The following LOXL2 variants were observed in gnomAD, a reference collection of about 807,000 sequenced individuals.
LOXL2 encodes lysyl oxidase homolog 2.
LOXL2 carries 70 observed loss-of-function variants against 93.0 expected under a neutral mutation model. The ratio of observed to expected loss-of-function variants is 0.75; its 90% CI spans 0.62 to 0.92. LOXL2 has a LOEUF of 0.92. LOXL2 is among the 40% of genes least tolerant of loss of function. The pLI, the probability that LOXL2 is intolerant of heterozygous loss-of-function variation, is 0.00. For synonymous variants in LOXL2, 438 were observed against 413.2 expected (o/e 1.06, Z -0.73); for missense variants, 973 against 1,054.9 (o/e 0.92, Z 1.08).
At chr8:23,348,749 C>A (rs978415209) in intron 3 of LOXL2, among the ~76,000 whole-genome samples, 2 of 151,970 alleles carry the variant, frequency 1.3e-5, no homozygotes, top group African/African-American at 2.4e-5. Context: ...TGGTGGCGGG[C>A]ACCTGTAGTC....
At chr8:23,370,314 TC>T (rs1804474668) in intron 1 of LOXL2, among the ~76,000 whole-genome samples, 1 of 152,074 alleles carries the variant, frequency 6.6e-6, no homozygotes, top group Admixed American at 6.6e-5. Flanking sequence ...CCTTCCTAGG[TC>T]CTCCTATCAG....
chr8:23,326,740 C>G (rs1803583283), intron 6 of LOXL2, among the ~76,000 whole-genome samples: 1 of 152,104 alleles, frequency 6.6e-6, no homozygotes, highest in South Asian at 2.1e-4. Flanking sequence ...GAGTGAGACT[C>G]TGTCTCCAAA....
rs773579703 is a variant in LOXL2, at chr8:23,309,765, G to A, written c.1783C>T (p.Arg595Trp). The change falls in exon 10 of 14, where the codon CGG becomes TGG. Residue 595 changes from arginine (R) to tryptophan (W), a missense_variant. Arg to Trp is a moderately radical substitution (Grantham distance 101). Transcript: ENST00000389131. Reference protein sequence around the residue: ...AQTDPTTGYRRLLRFSSQIHN... With the variant: ...AQTDPTTGYRWLLRFSSQIHN... ...ATCTGGGAGGAGAAGCGCAGGAGCCGGCGGTAGCCCGTGGTGGGGTCGGTC... is the reference window on the plus strand; with the variant it reads ...ATCTGGGAGGAGAAGCGCAGGAGCCAGCGGTAGCCCGTGGTGGGGTCGGTC... 1.4e-5 allele frequency: 22 copies of A among 1,603,840 alleles called. No homozygotes were observed. The highest frequency in any genetic ancestry group is 1.7e-5 in the Admixed American group (1 of 58,348).
rs777238309 is a variant in LOXL2, at chr8:23,319,936, G to A, written c.1419C>T (p.Ala473=). ...GGCCCAGCTGGCGGCAGACCACCATGGCCTCCACGATGCCCCAGTTTTGGC... is the reference window on the plus strand; with the variant it reads ...GGCCCAGCTGGCGGCAGACCACCATAGCCTCCACGATGCCCCAGTTTTGGC... ...VCGQNWGIVE[A]MVVCRQLGLG... is the part of the protein sequence containing the mutation. The change falls in exon 8 of 14, where the codon GCC becomes GCT. Residue 473 remains alanine (A), a synonymous_variant. Transcript: ENST00000389131. 8 of 1,613,962 alleles carry A rather than the reference G, an allele frequency of 5.0e-6. No homozygotes were observed. In the Admixed American group the frequency reaches 1.0e-4, roughly 20 times the overall value.
At chr8:23,391,541 T>A (rs376573743) in intron 1 of LOXL2, among the ~76,000 whole-genome samples, 2 of 152,146 alleles carry the variant, frequency 1.3e-5, no homozygotes, top group African/African-American at 4.8e-5. Context: ...ACACACACAC[T>A]CTCTCAGACA....
At chr8:23,375,459 G>C (rs1563205849) in intron 1 of LOXL2, among the ~76,000 whole-genome samples, 3 of 152,070 alleles carry the variant, frequency 2.0e-5, no homozygotes, top group Non-Finnish European at 4.4e-5. Flanking sequence ...GAACTTTAAA[G>C]TAGTTTTTTC....
intron 1 of LOXL2, among the ~76,000 whole-genome samples, chr8:23,397,639 AT>A (rs1459953009): frequency 1.3e-5 from 2 of 152,036 alleles, no homozygotes; most frequent in South Asian, 4.1e-4. Flanking sequence ...TTAGCTGGGT[AT>A]GGTGGCGGGC....
At chr8:23,380,391 C>CAAAAAAAAAAAA (rs1219621037) in intron 1 of LOXL2, among the ~76,000 whole-genome samples, 1 of 54,388 alleles carries the variant, frequency 1.8e-5, no homozygotes. Context: ...GACTCCGTCT[C>CAAAAAAAAAAAA]AAAAAAAAAA....
rs60768341 is a variant in LOXL2, at chr8:23,328,709, A to ATGTGTGTGTGTGTGTGTGTGTGTGTGTG, written c.967-172_967-145dup. 534 of 460,400 alleles carry ATGTGTGTGTGTGTGTGTGTGTGTGTGTG rather than the reference A, an allele frequency of 1.2e-3. 15 individuals carry two copies. The highest frequency in any genetic ancestry group is 0.011 in the African/African-American group (468 of 42,246). The allele number at this position is 460,400 out of a possible 1,614,324, so 28.5% of individuals were successfully genotyped here. A position where few individuals can be genotyped will look rare whatever the true frequency, so the allele number is the denominator to read the frequency against. Reference sequence around the variant, plus strand: ...AGCTGCAACTATGCTTGATGTATGGATGTGTGTGTGTGTGTGTGTGTGTGT... The same window carrying ATGTGTGTGTGTGTGTGTGTGTGTGTGTG: ...AGCTGCAACTATGCTTGATGTATGGATGTGTGTGTGTGTGTGTGTGTGTGTGTGTGTGTGTGTGTGTGTGTGTGTGTGT... On this transcript the variant is annotated intron_variant, in intron 5 of 13. Coordinates refer to ENST00000389131, the MANE Select transcript of LOXL2 (RefSeq NM_002318.3).
In LOXL2 at chr8:23,341,389, G is replaced by A. The variant is rs916268304; in HGVS notation, c.532-186C>T. 2.4e-5 allele frequency: 15 copies of A among 618,878 alleles called. 1 individual carries two copies. Among genetic ancestry groups the A allele is most frequent in the South Asian group, 1.5e-4 (8 of 53,628 alleles). The allele number at this position is 618,878 out of a possible 1,614,324, so 38.3% of individuals were successfully genotyped here. On this transcript the variant is annotated intron_variant, in intron 3 of 13. Transcript: ENST00000389131. ...ACGGCCCAAGCTGCAGTTAGAAAGC[G>A]CTATGCATGGGAGATAGTGAGGCTG...
intron 1 of LOXL2, among the ~76,000 whole-genome samples, chr8:23,371,534 C>G: frequency 6.6e-6 from 1 of 151,764 alleles, no homozygotes. Flanking sequence ...GGGCGGATCA[C>G]AAGGTCAGGA....
At chr8:23,369,029 G>A (rs186876237) in intron 1 of LOXL2, among the ~76,000 whole-genome samples, 2 of 152,324 alleles carry the variant, frequency 1.3e-5, no homozygotes, top group African/African-American at 4.8e-5. Flanking sequence ...AGGGAGCTGA[G>A]CCCATTGAGG....
At chr8:23,308,941 G>A (rs1180650797) in intron 10 of LOXL2, among the ~76,000 whole-genome samples, 3 of 151,434 alleles carry the variant, frequency 2.0e-5, no homozygotes, top group African/African-American at 4.9e-5. Flanking sequence ...TGTCTTCCTA[G>A]AGGTATTTAA....
intron 1 of LOXL2, among the ~76,000 whole-genome samples, chr8:23,390,821 G>A (rs1358978797): frequency 6.6e-6 from 1 of 152,142 alleles, no homozygotes; most frequent in Admixed American, 6.5e-5. Context: ...TGCCTTATTA[G>A]TCTGTTTTCA....
chr8:23,324,959 C>T (rs915687604), intron 6 of LOXL2, among the ~76,000 whole-genome samples: 1 of 152,164 alleles, frequency 6.6e-6, no homozygotes, highest in Non-Finnish European at 1.5e-5. Context: ...AAAGGGTTTT[C>T]AAGCCACTGC....
At chr8:23,397,237 A>G (rs1193282979) in intron 1 of LOXL2, among the ~76,000 whole-genome samples, 1 of 152,126 alleles carries the variant, frequency 6.6e-6, no homozygotes, top group Admixed American at 6.6e-5. Flanking sequence ...ATGGGTACAG[A>G]GTTTCTGTTT....
intron 2 of LOXL2, 127 bp from the exon 3 acceptor site, chr8:23,360,392 AT>A (rs1490293101): frequency 1.6e-6 from 1 of 628,206 alleles, no homozygotes; most frequent in Non-Finnish European, 2.7e-6. Flanking sequence ...GTGGCCATCC[AT>A]TTTTATTATA....
intron 1 of LOXL2, among the ~76,000 whole-genome samples, chr8:23,382,011 G>A (rs1453892935): frequency 6.6e-6 from 1 of 152,212 alleles, no homozygotes; most frequent in Non-Finnish European, 1.5e-5. Context: ...GAGGGGACCA[G>A]GCAAACCACA....
At chr8:23,386,390 C>G (rs1292592725) in intron 1 of LOXL2, among the ~76,000 whole-genome samples, 1 of 152,108 alleles carries the variant, frequency 6.6e-6, no homozygotes, top group African/African-American at 2.4e-5. Context: ...AAGACTCCCT[C>G]TCCAAAAAAG....
Sources: gnomAD v4.1 joint callset for allele counts (sites outside exome capture counted in the v4.1 genomes callset) on GRCh38, gnomAD v4.1.1 for gene constraint, MANE v1.5 for transcripts, NCBI Gene and HGNC (gene_info 2026-07-23, HGNC 2026-07-21) for gene names.